The following INPP4A variants were observed in gnomAD, a reference collection of about 807,000 sequenced individuals.
INPP4A encodes inositol polyphosphate-4-phosphatase type I A, also known as inositol polyphosphate-4-phosphatase, type I, 107kD.
INPP4A carries 33 observed loss-of-function variants against 119.8 expected under a neutral mutation model. That is an observed-to-expected ratio of 0.28 (90% CI 0.21 to 0.37). The LOEUF (loss-of-function observed/expected upper bound fraction) is 0.37, where lower values mean the gene tolerates loss of function less well. Among genes scored for constraint, INPP4A ranks in the 10% least tolerant of loss-of-function variants. The pLI is 1.00. For missense variants in INPP4A, 956 were observed against 1,289.9 expected, an observed-to-expected ratio of 0.74 and a Z score of 3.97; for synonymous variants, 496 against 500.7, an observed-to-expected ratio of 0.99 and a Z score of 0.12.
chr2:98,515,730 T>A (rs527785924), intron 1 of INPP4A, among the ~76,000 whole-genome samples: 3 of 152,322 alleles, frequency 2.0e-5, no homozygotes, highest in Non-Finnish European at 4.4e-5. Flanking sequence ...CCTGCAGTAC[T>A]CCCGCTAGGC....
chr2:98,511,162 C>T (rs1323261736), intron 1 of INPP4A, among the ~76,000 whole-genome samples: 3 of 151,926 alleles, frequency 2.0e-5, no homozygotes, highest in African/African-American at 4.8e-5. Context: ...CGGGTTAAAG[C>T]GATTCTTCTG....
intron 1 of INPP4A, among the ~76,000 whole-genome samples, chr2:98,512,829 C>T (rs988888550): frequency 3.9e-5 from 6 of 152,178 alleles, no homozygotes; most frequent in Non-Finnish European, 8.8e-5. Flanking sequence ...GCCAGAGCCC[C>T]GAGAGGCATG....
intron 24 of INPP4A, chr2:98,581,794 A>G: frequency 6.3e-7 from 1 of 1,587,632 alleles, no homozygotes; most frequent in Non-Finnish European, 8.6e-7. Flanking sequence ...CAAGAAAAAC[A>G]AAAGTGCCAG....
Position 98,555,696 on chromosome 2 carries a change from C to T in INPP4A, c.1710C>T (p.Asn570=). ...CAGSCTSKKG[N]PDSHAYWIRP... ...GCAGCTGCACCAGCAAGAAAGGTAA[C>T]CCGGACAGCCACGCCTACTGGATCA... The change falls in exon 16 of 25, where the codon AAC becomes AAT. Residue 570 remains asparagine (N), a synonymous_variant. Transcript: ENST00000409851. 2.5e-6 allele frequency: 4 copies of T among 1,613,608 alleles called. No homozygotes were observed. In the South Asian group the frequency reaches 4.4e-5, roughly 18 times the overall value.
intron 9 of INPP4A, 95 bp from the exon 10 acceptor site, chr2:98,539,433 G>C: frequency 7.5e-7 from 1 of 1,336,660 alleles, no homozygotes; most frequent in Non-Finnish European, 1.0e-6. Context: ...AGGACTTGAG[G>C]TGTCACCATC....
intron 1 of INPP4A, among the ~76,000 whole-genome samples, chr2:98,492,900 G>A (rs1332698293): frequency 6.6e-6 from 1 of 152,186 alleles, no homozygotes; most frequent in Non-Finnish European, 1.5e-5. Context: ...GGGCTGGAGG[G>A]GTCCTGGAGT....
rs1697726390 is a variant in INPP4A at position 98,572,868 on chromosome 2, G to A, written c.2572G>A (p.Gly858Ser). 1 of 1,579,580 alleles carries A rather than the reference G, an allele frequency of 6.3e-7. No homozygotes were observed. The highest frequency in any genetic ancestry group is 8.6e-7 in the Non-Finnish European group (1 of 1,162,912). Residue 858 changes from glycine to serine, a missense_variant, in exon 23 of 25, where the codon GGT (glycine) becomes AGT (serine). By Grantham distance (56) the Gly-to-Ser change is moderately conservative. Coordinates refer to ENST00000409851, the MANE Select transcript of INPP4A (RefSeq NM_001134225.2). ...CCTGCCAGAGCTGCTGCGGTTTCTG[G>A]GTCAGAACGTGCATGCCCGGAAGAA... ...TCLPELLRFL[G>S]QNVHARKNKN...
chr2:98,466,786 G>A (rs566917501), intron 1 of INPP4A, among the ~76,000 whole-genome samples: 1 of 152,202 alleles, frequency 6.6e-6, no homozygotes, highest in African/African-American at 2.4e-5. Flanking sequence ...TTTCCATCTC[G>A]TTTTCTTTAT....
intron 21 of INPP4A, among the ~76,000 whole-genome samples, chr2:98,568,195 C>T (rs936976261): frequency 1.3e-5 from 2 of 152,166 alleles, no homozygotes; most frequent in African/African-American, 4.8e-5. Context: ...TACAGGGCTG[C>T]ATCCTCACCT....
chr2:98,483,849 C>A (rs1019748032), intron 1 of INPP4A, among the ~76,000 whole-genome samples: 1 of 152,160 alleles, frequency 6.6e-6, no homozygotes, highest in African/African-American at 2.4e-5. Flanking sequence ...TGGACTGCAT[C>A]TGTAGTCAGT....
At chr2:98,466,995 C>T (rs528227368) in intron 1 of INPP4A, among the ~76,000 whole-genome samples, 2 of 152,314 alleles carry the variant, frequency 1.3e-5, no homozygotes, top group Admixed American at 6.5e-5. Context: ...TTACTTGGCT[C>T]ACAATTCTGA....
chr2:98,586,864 A>C (rs1700010309), intron 24 of INPP4A, among the ~76,000 whole-genome samples: 1 of 152,192 alleles, frequency 6.6e-6, no homozygotes, highest in Non-Finnish European at 1.5e-5. Flanking sequence ...ATAACATTCC[A>C]GCCCTGATTG....
chr2:98,516,960 A>G (rs576017228), intron 1 of INPP4A, among the ~76,000 whole-genome samples: 4 of 152,058 alleles, frequency 2.6e-5, no homozygotes, highest in Admixed American at 6.5e-5. Flanking sequence ...TTTTAATGCT[A>G]TGTTGTCTTG....
intron 19 of INPP4A, among the ~76,000 whole-genome samples, chr2:98,564,995 A>G (rs552848113): frequency 1.6e-4 from 24 of 152,274 alleles, no homozygotes; most frequent in African/African-American, 5.5e-4. Context: ...TTCCTGTTGG[A>G]CTTTGGGTTG....
intron 1 of INPP4A, among the ~76,000 whole-genome samples, chr2:98,449,504 A>G (rs1398281229): frequency 6.6e-6 from 1 of 152,204 alleles, no homozygotes; most frequent in Non-Finnish European, 1.5e-5. Context: ...ACAAGTGCTC[A>G]TCATTCTTTG....
rs1446334496 is a variant in INPP4A, at chr2:98,538,029, T to C, written c.579+55T>C. 5 of 1,211,668 alleles carry C rather than the reference T, an allele frequency of 4.1e-6. No individual in the cohort carries two copies. In the African/African-American group the frequency reaches 7.5e-5, roughly 18 times the overall value. The allele number at this position is 1,211,668 out of a possible 1,614,324, so 75.1% of individuals were successfully genotyped here. ...TAGAAAGAGCAAGGGAATTAATCAG[T>C]AAAAATGCAGCCCTCGTGGACTTAG... On this transcript the variant is annotated intron_variant, in intron 8 of 24. Transcript: ENST00000409851.
intron 16 of INPP4A, among the ~76,000 whole-genome samples, chr2:98,559,033 C>T (rs548790844): frequency 2.0e-5 from 3 of 152,314 alleles, no homozygotes; most frequent in South Asian, 4.1e-4. Flanking sequence ...TGGGACTGAC[C>T]GTGGAACACG....
intron 1 of INPP4A, among the ~76,000 whole-genome samples, chr2:98,518,188 C>G (rs1218634094): frequency 6.6e-6 from 1 of 152,240 alleles, no homozygotes; most frequent in Non-Finnish European, 1.5e-5. Flanking sequence ...CATTGCTTCA[C>G]TTGTGTGCCT....
chr2:98,496,952 C>G (rs983031918), intron 1 of INPP4A, among the ~76,000 whole-genome samples: 1 of 152,236 alleles, frequency 6.6e-6, no homozygotes, highest in Non-Finnish European at 1.5e-5. Flanking sequence ...GCTCTGAGCA[C>G]TCAGTGAAAT....
Sources: gnomAD v4.1 joint callset for allele counts (sites outside exome capture counted in the v4.1 genomes callset) on GRCh38, gnomAD v4.1.1 for gene constraint, MANE v1.5 for transcripts, NCBI Gene and HGNC (gene_info 2026-07-23, HGNC 2026-07-21) for gene names.